Variants in RPS6KC1 observed in about 807,000 individuals in gnomAD.
RPS6KC1 encodes the protein ribosomal protein S6 kinase C1.
A neutral mutation model predicts 103.8 loss-of-function variants in RPS6KC1; 54 were observed. The ratio of observed to expected loss-of-function variants is 0.52; its 90% CI spans 0.42 to 0.65. The LOEUF (loss-of-function observed/expected upper bound fraction) is 0.65, where lower values mean the gene tolerates loss of function less well. Among genes scored for constraint, RPS6KC1 ranks in the 30% least tolerant of loss-of-function variants. The pLI, the probability that RPS6KC1 is intolerant of heterozygous loss-of-function variation, is 0.00. For synonymous variants in RPS6KC1, 439 were observed against 438.7 expected (o/e 1.00, Z -0.01); for missense variants, 1,151 against 1,253.8 (o/e 0.92, Z 1.24).
chr1:213,861,436 T>C, the RPS6KC1 span, among the ~76,000 whole-genome samples: 12 of 152,116 alleles, frequency 7.9e-5, no homozygotes, highest in Non-Finnish European at 1.5e-4. Flanking sequence ...AATAACAGCG[T>C]GGACGTGGAT....
the RPS6KC1 span, among the ~76,000 whole-genome samples, chr1:213,666,874 G>A: frequency 2.0e-5 from 3 of 152,224 alleles, no homozygotes; most frequent in African/African-American, 4.8e-5. Context: ...GAAGATCTCC[G>A]TATGTTGCCG....
the RPS6KC1 span, among the ~76,000 whole-genome samples, chr1:213,737,948 T>C: frequency 6.6e-6 from 1 of 152,192 alleles, no homozygotes; most frequent in Non-Finnish European, 1.5e-5. Context: ...CACCATTGCC[T>C]CATTAACCCC....
At chr1:213,054,122 C>T (rs1185982148) in intron 1 of RPS6KC1, among the ~76,000 whole-genome samples, 1 of 152,216 alleles carries the variant, frequency 6.6e-6, no homozygotes, top group African/African-American at 2.4e-5. Flanking sequence ...AGGCGTGAGC[C>T]ACCGCATTGG....
chr1:213,250,561 T>G (rs1371230360), intron 12 of RPS6KC1, among the ~76,000 whole-genome samples: 5 of 152,194 alleles, frequency 3.3e-5, no homozygotes, highest in Non-Finnish European at 5.9e-5. Flanking sequence ...GTCTATCATG[T>G]AAGAATGAAG....
the RPS6KC1 span, among the ~76,000 whole-genome samples, chr1:213,495,192 G>T: frequency 3.9e-4 from 59 of 152,176 alleles, no homozygotes; most frequent in African/African-American, 1.3e-3. Flanking sequence ...AACATTAAAA[G>T]TTCAATAATA....
At chr1:213,265,755 C>T (rs2094897354) in intron 14 of RPS6KC1, among the ~76,000 whole-genome samples, 1 of 152,136 alleles carries the variant, frequency 6.6e-6, no homozygotes, top group Admixed American at 6.5e-5. Flanking sequence ...TTAGTATAGT[C>T]TTTTGAAGTG....
intron 6 of RPS6KC1, among the ~76,000 whole-genome samples, chr1:213,165,164 G>C (rs956159153): frequency 6.6e-6 from 1 of 151,988 alleles, no homozygotes; most frequent in Non-Finnish European, 1.5e-5. Context: ...TTTATTCTTG[G>C]ATGCTGCTGT....
At chr1:213,596,174 G>A in the RPS6KC1 span, among the ~76,000 whole-genome samples, 1 of 152,214 alleles carries the variant, frequency 6.6e-6, no homozygotes, top group Non-Finnish European at 1.5e-5. Flanking sequence ...GAAAAGACTT[G>A]CCCATTAAGA....
the RPS6KC1 span, among the ~76,000 whole-genome samples, chr1:213,477,355 T>C: frequency 6.6e-6 from 1 of 151,908 alleles, no homozygotes. Flanking sequence ...CCCTTATTTT[T>C]TTTTTTTATC....
chr1:213,506,352 A>G, the RPS6KC1 span, among the ~76,000 whole-genome samples: 3 of 152,216 alleles, frequency 2.0e-5, no homozygotes, highest in East Asian at 5.8e-4. Flanking sequence ...CCCATACCAG[A>G]TGAGATTAGT....
chr1:213,364,062 AAAT>A, the RPS6KC1 span, among the ~76,000 whole-genome samples: 1 of 152,112 alleles, frequency 6.6e-6, no homozygotes, highest in Admixed American at 6.5e-5. Context: ...GCTAGATAGT[AAAT>A]GTTTTAGGCT....
the RPS6KC1 span, among the ~76,000 whole-genome samples, chr1:213,496,681 C>T: frequency 6.6e-6 from 1 of 152,018 alleles, no homozygotes; most frequent in Admixed American, 6.6e-5. Flanking sequence ...TTGCTTGAAC[C>T]CAGGAGGCGG....
chr1:213,667,352 A>G, the RPS6KC1 span, among the ~76,000 whole-genome samples: 960 of 152,344 alleles, frequency 6.3e-3, 6 homozygotes, highest in African/African-American at 0.022. Flanking sequence ...TGAAGCATGC[A>G]CATTTTTTGG....
chr1:213,148,478 T>C (rs749031801), intron 6 of RPS6KC1, among the ~76,000 whole-genome samples: 16 of 152,202 alleles, frequency 1.1e-4, no homozygotes, highest in Non-Finnish European at 2.1e-4. Context: ...AGGTTTCACA[T>C]TGATTGATTT....
At chr1:213,176,222 TTTAG>T (rs1471178925) in intron 7 of RPS6KC1, among the ~76,000 whole-genome samples, 174 bp from the exon 8 acceptor site, 1 of 152,226 alleles carries the variant, frequency 6.6e-6, no homozygotes, top group African/African-American at 2.4e-5. Context: ...TTTGATTTTC[TTTAG>T]TTTTTATTTT....
the RPS6KC1 span, among the ~76,000 whole-genome samples, chr1:213,783,339 C>G: frequency 1.2e-3 from 185 of 152,306 alleles, no homozygotes; most frequent in African/African-American, 4.4e-3. Context: ...CTGCGTCCTT[C>G]CTTTTTGATT....
intron 3 of RPS6KC1, among the ~76,000 whole-genome samples, chr1:213,101,156 C>T (rs548084994): frequency 2.0e-4 from 30 of 152,144 alleles, no homozygotes; most frequent in Non-Finnish European, 4.0e-4. Flanking sequence ...ATTATGGTTT[C>T]GATTTGCATT....
the RPS6KC1 span, among the ~76,000 whole-genome samples, chr1:213,784,964 C>CT: frequency 1.3e-5 from 2 of 152,080 alleles, no homozygotes; most frequent in African/African-American, 4.8e-5. Context: ...CCCTGGCAAA[C>CT]TTTTCAGAAG....
At chr1:213,577,380 G>C in the RPS6KC1 span, among the ~76,000 whole-genome samples, 1 of 152,204 alleles carries the variant, frequency 6.6e-6, no homozygotes. Context: ...CTTCATAGCA[G>C]TATGAAAGAG....
Sources: allele counts gnomAD v4.1 joint callset (sites outside exome capture counted in the v4.1 genomes callset), GRCh38; gene constraint gnomAD v4.1.1; transcripts MANE v1.5; gene names NCBI Gene and HGNC (gene_info 2026-07-23, HGNC 2026-07-21).